CCND3: variants seen among roughly 807,000 people sequenced by gnomAD.
CCND3 encodes G1/S-specific cyclin-D3.
CCND3 carries 9 observed loss-of-function variants against 28.7 expected under a neutral mutation model. The observed-to-expected ratio is 0.31, with a 90% CI of 0.19 to 0.55. CCND3 has a LOEUF of 0.55. CCND3 is among the 20% of genes least tolerant of loss of function. The pLI, the probability that CCND3 is intolerant of heterozygous loss-of-function variation, is 0.93. For synonymous variants in CCND3, 164 were observed against 163.9 expected (o/e 1.00, Z 0.00); for missense variants, 315 against 385.8 (o/e 0.82, Z 1.54).
intron 1 of CCND3, among the ~76,000 whole-genome samples, chr6:42,033,375 G>A (rs183016806): frequency 9.2e-5 from 14 of 151,734 alleles, no homozygotes; most frequent in African/African-American, 2.7e-4. Flanking sequence ...ACTTGAACCC[G>A]GGAGGCAGAG....
upstream of CCND3, among the ~76,000 whole-genome samples, chr6:41,946,474 G>A (rs112063900): frequency 0.037 from 5,531 of 151,198 alleles, 190 homozygotes; most frequent in African/African-American, 0.083. Flanking sequence ...AGTGGCGCAC[G>A]CCTGTAGTCC....
chr6:41,936,753 A>G lies in CCND3; in HGVS notation c.575-58T>C, dbSNP rs952449946. 2 of 1,574,654 alleles carry G rather than the reference A, an allele frequency of 1.3e-6. No individual in the cohort carries two copies. The highest frequency in any genetic ancestry group is 2.7e-5 in the African/African-American group (2 of 74,172). ...GGAAACCTGAAGGATAACGGCCAGC[A>G]TGGACTTCCGACTCCTTGGAAAGTG... On this transcript the variant is annotated intron_variant, in intron 3 of 4. Transcript: ENST00000372991. This position sits in a 1 kb window ranked among gnomAD's most constrained non-coding sequence, Gnocchi z 4.4.
At chr6:41,976,790 G>A (rs1486573231) in intron 1 of CCND3, among the ~76,000 whole-genome samples, 1 of 152,082 alleles carries the variant, frequency 6.6e-6, no homozygotes, top group Non-Finnish European at 1.5e-5. Context: ...AAGCTCCTGG[G>A]GGCTAGATAC....
At chr6:41,946,033 G>A (rs938433150), upstream of CCND3, among the ~76,000 whole-genome samples, 1 of 152,086 alleles carries the variant, frequency 6.6e-6, no homozygotes, top group Non-Finnish European at 1.5e-5. Flanking sequence ...GGCTTCTAAC[G>A]GTAAACGCAT....
intron 1 of CCND3, among the ~76,000 whole-genome samples, chr6:41,968,719 C>T (rs1761954159): frequency 1.3e-5 from 2 of 152,076 alleles, no homozygotes; most frequent in Admixed American, 1.3e-4. Flanking sequence ...TTTTCTAATA[C>T]GTTGTGATTT....
At chr6:42,011,100 G>GAATA (rs1388116167) in intron 1 of CCND3, 1 of 152,028 alleles carries the variant, frequency 6.6e-6, no homozygotes, top group African/African-American at 2.4e-5. Flanking sequence ...ATGAATGAAT[G>GAATA]AATGAATGAA....
At position 42,048,633 on chromosome 6, in the gene CCND3, C is replaced by T. The variant is rs1562003898; in HGVS notation, c.-178G>A. The T allele has an allele frequency of 1.9e-6, 1 of 518,086 alleles. No individual in the cohort carries two copies. Among genetic ancestry groups the T allele is most frequent in the East Asian group, 5.5e-5 (1 of 18,334 alleles). The allele number at this position is 518,086 out of a possible 1,614,324, so 32.1% of individuals were successfully genotyped here. Reference sequence around the variant, plus strand: ...CGCGAGGAGAGGATTGCACCTCTCCCCCCCGGCCGGCATCCGAACAGAGCC... The same window carrying T: ...CGCGAGGAGAGGATTGCACCTCTCCTCCCCGGCCGGCATCCGAACAGAGCC... On this transcript the variant is annotated 5_prime_UTR_variant, in exon 1 of 5. Transcript: ENST00000372988. This position sits in a 1 kb window ranked among gnomAD's most constrained non-coding sequence, Gnocchi z 4.7.
chr6:42,027,897 G>T (rs1763929095), intron 1 of CCND3, among the ~76,000 whole-genome samples: 1 of 152,092 alleles, frequency 6.6e-6, no homozygotes, highest in Non-Finnish European at 1.5e-5. Context: ...ACAGGCTCCT[G>T]CCACCACACC....
chr6:41,972,266 C>T (rs1037277976), intron 1 of CCND3, among the ~76,000 whole-genome samples: 3 of 116,232 alleles, frequency 2.6e-5, no homozygotes, highest in African/African-American at 9.0e-5. Context: ...AAAAGAGATA[C>T]TTCCAGAATC....
At chr6:42,042,059 C>A (rs1764384748) in intron 1 of CCND3, among the ~76,000 whole-genome samples, 1 of 152,174 alleles carries the variant, frequency 6.6e-6, no homozygotes, top group African/African-American at 2.4e-5. Flanking sequence ...TGGGACAGCC[C>A]CAGCTTCAAA....
chr6:42,000,263 G>A (rs9471720), intron 1 of CCND3, among the ~76,000 whole-genome samples: 82,493 of 84,894 alleles, frequency 0.97, 40,121 homozygotes, highest in East Asian at 0.99. Context: ...TTTTTTTTTG[G>A]GACAGAGTCT....
At chr6:41,961,566 C>G (rs988840048) in intron 1 of CCND3, among the ~76,000 whole-genome samples, 3 of 151,578 alleles carry the variant, frequency 2.0e-5, no homozygotes, top group Non-Finnish European at 2.9e-5. Flanking sequence ...GACTCTGTCT[C>G]AAAAAACAAC....
chr6:41,964,419 T>G (rs1761807837), intron 1 of CCND3, among the ~76,000 whole-genome samples: 1 of 151,570 alleles, frequency 6.6e-6, no homozygotes, highest in African/African-American at 2.4e-5. Flanking sequence ...TGTCTGTGTG[T>G]GAATGTGTTT....
chr6:41,980,172 G>A (rs1177492853), intron 1 of CCND3, among the ~76,000 whole-genome samples: 2 of 149,778 alleles, frequency 1.3e-5, no homozygotes, highest in Non-Finnish European at 2.9e-5. Context: ...GTCTTGTTCT[G>A]TTGCTCAGAC....
chr6:42,034,965 A>T (rs956789967), intron 1 of CCND3, among the ~76,000 whole-genome samples: 1 of 152,008 alleles, frequency 6.6e-6, no homozygotes, highest in African/African-American at 2.4e-5. Flanking sequence ...TCCACCCATT[A>T]TTTCCCCCCA....
At chr6:42,000,204 C>A (rs562902249) in intron 1 of CCND3, among the ~76,000 whole-genome samples, 1 of 141,210 alleles carries the variant, frequency 7.1e-6, no homozygotes, top group East Asian at 2.1e-4. Context: ...AGTTAGAAAT[C>A]ATCAAGTCTC....
At position 41,941,778 on chromosome 6, in the gene CCND3, G is replaced by T; in HGVS notation, c.-129C>A. 2.6e-6 allele frequency: 1 copy of T among 380,902 alleles called. No individual in the cohort carries two copies. The highest frequency in any genetic ancestry group is 1.8e-4 in the South Asian group (1 of 5,590). The allele number at this position is 380,902 out of a possible 1,614,324, so 23.6% of individuals were successfully genotyped here. A position where few individuals can be genotyped will look rare whatever the true frequency, so the allele number is the denominator to read the frequency against. ...TGCGCGGCGGATCCCCAGCCCGCCCGCCGCCCGCGCGCGCGCGCCGCTTCC... is the reference window on the plus strand; with the variant it reads ...TGCGCGGCGGATCCCCAGCCCGCCCTCCGCCCGCGCGCGCGCGCCGCTTCC... On this transcript the variant is annotated 5_prime_UTR_variant, in exon 1 of 5. Transcript: ENST00000372991. The surrounding 1 kb of genome is among the most constrained non-coding windows in gnomAD (Gnocchi z 6.1).
intron 1 of CCND3, among the ~76,000 whole-genome samples, chr6:41,975,458 G>A (rs1762147670): frequency 6.6e-6 from 1 of 152,136 alleles, no homozygotes. Flanking sequence ...TCCCAGGCTG[G>A]ACTCATGGTA....
intron 1 of CCND3, among the ~76,000 whole-genome samples, chr6:41,990,638 T>C (rs1018826774): frequency 2.0e-5 from 3 of 147,038 alleles, no homozygotes; most frequent in African/African-American, 7.5e-5. Context: ...CAGAAATTAG[T>C]CCATGAATCT....
Sources: gnomAD v4.1 joint callset for allele counts (sites outside exome capture counted in the v4.1 genomes callset) on GRCh38, gnomAD v4.1.1 for gene constraint, Gnocchi (gnomAD v3.1) non-coding constraint, MANE v1.5 for transcripts, NCBI Gene and HGNC (gene_info 2026-07-23, HGNC 2026-07-21) for gene names.